TRAF3: variants seen among roughly 807,000 people sequenced by gnomAD.
TRAF3 encodes the protein TNF receptor associated factor 3.
TRAF3 carries 13 observed loss-of-function variants against 62.3 expected under a neutral mutation model. The ratio of observed to expected loss-of-function variants is 0.21; its 90% CI spans 0.14 to 0.33. The LOEUF (loss-of-function observed/expected upper bound fraction) is 0.33, where lower values mean the gene tolerates loss of function less well. TRAF3 is among the 10% of genes least tolerant of loss of function. The pLI is 1.00. For missense variants in TRAF3, 440 were observed against 741.8 expected, an observed-to-expected ratio of 0.59 and a Z score of 4.73; for synonymous variants, 269 against 283.4, an observed-to-expected ratio of 0.95 and a Z score of 0.51.
chr14:102,852,174 C>T (rs959100311), intron 2 of TRAF3, among the ~76,000 whole-genome samples: 4 of 152,154 alleles, frequency 2.6e-5, no homozygotes, highest in Non-Finnish European at 4.4e-5. Flanking sequence ...CTCTCTCTTG[C>T]TCAGGCTAGA....
intron 2 of TRAF3, among the ~76,000 whole-genome samples, chr14:102,854,151 G>A (rs1887221217): frequency 6.6e-6 from 1 of 151,978 alleles, no homozygotes; most frequent in Non-Finnish European, 1.5e-5. Flanking sequence ...AGAGTTCATT[G>A]TATGAATAGA....
chr14:102,791,350 C>A (rs760889726), intron 1 of TRAF3, among the ~76,000 whole-genome samples: 1 of 152,096 alleles, frequency 6.6e-6, no homozygotes, highest in Non-Finnish European at 1.5e-5. Flanking sequence ...TCAATTATGT[C>A]TCCTTTAATT....
At chr14:102,870,976 C>G (rs1274167880) in intron 3 of TRAF3, among the ~76,000 whole-genome samples, 1 of 152,202 alleles carries the variant, frequency 6.6e-6, no homozygotes, top group Non-Finnish European at 1.5e-5. Flanking sequence ...GCTGGTGGAT[C>G]ATGAAGGCAG....
chr14:102,893,782 T>A (rs1889855455), intron 9 of TRAF3, among the ~76,000 whole-genome samples: 2 of 152,190 alleles, frequency 1.3e-5, no homozygotes, highest in Non-Finnish European at 2.9e-5. Flanking sequence ...TCCCGGACTC[T>A]GTCCATCAGA....
At chr14:102,886,349 A>C (rs1267867593) in intron 7 of TRAF3, 80 bp downstream of exon 7, 2 of 1,268,408 alleles carry the variant, frequency 1.6e-6, no homozygotes, top group Non-Finnish European at 2.2e-6. Flanking sequence ...GCATAGCCGA[A>C]GCCTCACGTT....
chr14:102,889,442 C>A (rs761751228), intron 7 of TRAF3, 118 bp from the exon 8 acceptor site: 6 of 1,026,828 alleles, frequency 5.8e-6, no homozygotes, highest in Non-Finnish European at 7.6e-6. Context: ...TATATACACA[C>A]CTGTAGCGAT....
intron 2 of TRAF3, among the ~76,000 whole-genome samples, chr14:102,843,409 C>T (rs1886498144): frequency 1.3e-5 from 2 of 150,550 alleles, no homozygotes; most frequent in African/African-American, 4.9e-5. Flanking sequence ...GTGATCTCGG[C>T]TCACTGCAAT....
chr14:102,837,933 G>C, intron 2 of TRAF3, among the ~76,000 whole-genome samples: 1 of 152,200 alleles, frequency 6.6e-6, no homozygotes, highest in Admixed American at 6.5e-5. Context: ...AGCATTGAAT[G>C]ATCTTTCTAA....
chr14:102,792,617 G>A (rs1005336482), intron 1 of TRAF3, among the ~76,000 whole-genome samples: 29 of 151,338 alleles, frequency 1.9e-4, no homozygotes, highest in African/African-American at 6.3e-4. Context: ...TTTGTCAAAT[G>A]CTTTTTGTGC....
chr14:102,886,649 A>C (rs1442060338), intron 7 of TRAF3, among the ~76,000 whole-genome samples: 1 of 152,048 alleles, frequency 6.6e-6, no homozygotes, highest in Non-Finnish European at 1.5e-5. Context: ...CCAGCTATTC[A>C]GGAGGCCGAG....
intron 3 of TRAF3, among the ~76,000 whole-genome samples, chr14:102,870,755 T>TA (rs1343040485): frequency 3.3e-5 from 5 of 152,120 alleles, no homozygotes; most frequent in Non-Finnish European, 7.4e-5. Context: ...ATGGAGGAGA[T>TA]ACACCAGGAA....
At chr14:102,828,383 T>C (rs1900453340) in intron 1 of TRAF3, among the ~76,000 whole-genome samples, 1 of 152,204 alleles carries the variant, frequency 6.6e-6, no homozygotes, top group African/African-American at 2.4e-5. Context: ...AAGGAGGAGA[T>C]AATGAAGGTA....
intron 9 of TRAF3, among the ~76,000 whole-genome samples, chr14:102,892,205 G>A (rs968642767): frequency 1.3e-5 from 2 of 151,952 alleles, no homozygotes; most frequent in East Asian, 3.8e-4. Flanking sequence ...TTACAGGTGC[G>A]CACCACCACA....
At chr14:102,897,211 T>G (rs1466877170) in intron 9 of TRAF3, 50 bp from the exon 10 acceptor site, 1 of 1,542,588 alleles carries the variant, frequency 6.5e-7, no homozygotes. Context: ...TGTTGTTAAT[T>G]AATATGAAAA....
chr14:102,900,225 G>A (rs1157316394), intron 10 of TRAF3, among the ~76,000 whole-genome samples: 2 of 149,550 alleles, frequency 1.3e-5, no homozygotes, highest in African/African-American at 5.0e-5. Flanking sequence ...CCGGTAGGCC[G>A]GACACGGTGG....
At chr14:102,895,198 A>G in intron 9 of TRAF3, 2 of 447,846 alleles carry the variant, frequency 4.5e-6, no homozygotes, top group Non-Finnish European at 4.5e-6. Flanking sequence ...ACATTCGTGC[A>G]GGTTGATCAC....
chr14:102,900,104 G>C (rs1200071889), intron 10 of TRAF3, among the ~76,000 whole-genome samples: 3 of 146,240 alleles, frequency 2.1e-5, no homozygotes, highest in East Asian at 4.0e-4. Context: ...GTGTGAACCC[G>C]GGAGGCGGAA....
At chr14:102,884,880 A>G (rs1341210453) in intron 6 of TRAF3, among the ~76,000 whole-genome samples, 3 of 151,986 alleles carry the variant, frequency 2.0e-5, no homozygotes, top group African/African-American at 7.3e-5. Flanking sequence ...TGCAGGTCCC[A>G]CTCACCCCAT....
intron 1 of TRAF3, among the ~76,000 whole-genome samples, chr14:102,797,814 C>T (rs1023452742): frequency 2.8e-4 from 43 of 151,422 alleles, no homozygotes; most frequent in Admixed American, 2.2e-3. Flanking sequence ...CTTGGCTCAC[C>T]GCAACCTCCG....
Sources: allele counts gnomAD v4.1 joint callset (sites outside exome capture counted in the v4.1 genomes callset), GRCh38; gene constraint gnomAD v4.1.1; transcripts MANE v1.5; gene names NCBI Gene and HGNC (gene_info 2026-07-23, HGNC 2026-07-21).